DHX40: variants seen among roughly 807,000 people sequenced by gnomAD.
DHX40 encodes DEAH-box helicase 40, also known as probable ATP-dependent RNA helicase DHX40.
In DHX40, 28 loss-of-function variants were observed where a neutral mutation model predicts 89.6. That is an observed-to-expected ratio of 0.31 (90% CI 0.23 to 0.43). DHX40 has a LOEUF of 0.43. Ranked by LOEUF, DHX40 falls within the 20% of genes least tolerant of loss-of-function variation. The probability of loss-of-function intolerance (pLI) is 1.00; values close to 1 mark genes in which losing one functional copy is unlikely to be tolerated. For synonymous variants in DHX40, 226 were observed against 283.6 expected, an observed-to-expected ratio of 0.80 and a Z score of 2.04; for missense variants, 457 against 844.0, an observed-to-expected ratio of 0.54 and a Z score of 5.68.
At chr17:59,569,711 CTATATATA>C (rs10607665) in intron 2 of DHX40, among the ~76,000 whole-genome samples, 4 of 140,676 alleles carry the variant, frequency 2.8e-5, no homozygotes, top group Admixed American at 7.2e-5. Flanking sequence ...ATATATATAT[CTATATATA>C]TATATAGATA....
At chr17:59,570,393 T>C in intron 2 of DHX40, 125 bp from the exon 3 acceptor site, 1 of 855,780 alleles carries the variant, frequency 1.2e-6, no homozygotes. Flanking sequence ...AGTGTGTTTT[T>C]AATTTGCGAG....
chr17:59,571,470 A>C (rs1374420429), intron 3 of DHX40, among the ~76,000 whole-genome samples: 2 of 151,932 alleles, frequency 1.3e-5, no homozygotes, highest in Non-Finnish European at 2.9e-5. Context: ...AAAAAAAAAA[A>C]AAATGTGTTC....
intron 1 of DHX40, 54 bp downstream of exon 1, chr17:59,565,837 T>C: frequency 1.4e-6 from 2 of 1,448,482 alleles, no homozygotes; most frequent in South Asian, 1.2e-5. Context: ...GTGGGGGTTT[T>C]GGTGGGGGGA....
intron 12 of DHX40, among the ~76,000 whole-genome samples, chr17:59,594,210 T>G (rs1054564543): frequency 1.5e-4 from 22 of 151,494 alleles, no homozygotes; most frequent in African/African-American, 5.3e-4. Flanking sequence ...AATTTTTGGC[T>G]GGTCTGTCTC....
intron 1 of DHX40, 51 bp from the exon 2 acceptor site, chr17:59,566,576 C>T (rs1245042757): frequency 2.7e-6 from 4 of 1,497,674 alleles, no homozygotes; most frequent in Non-Finnish European, 3.6e-6. Flanking sequence ...GAAATTGAGT[C>T]AGAGATATCT....
intron 12 of DHX40, among the ~76,000 whole-genome samples, chr17:59,588,995 A>T (rs1229447260): frequency 6.6e-6 from 1 of 152,068 alleles, no homozygotes; most frequent in Admixed American, 6.6e-5. Flanking sequence ...GACTATTCTT[A>T]TATGGGTCTG....
intron 12 of DHX40, among the ~76,000 whole-genome samples, chr17:59,598,394 T>C (rs1263413178): frequency 6.6e-6 from 1 of 152,034 alleles, no homozygotes; most frequent in Admixed American, 6.6e-5. Flanking sequence ...CATTGAACTT[T>C]TACATGATAT....
intron 2 of DHX40, among the ~76,000 whole-genome samples, chr17:59,569,501 A>G (rs567721374): frequency 8.9e-4 from 134 of 150,652 alleles, no homozygotes; most frequent in African/African-American, 3.1e-3. Context: ...ACAAAGCCTG[A>G]ATTCTAATTT....
intron 12 of DHX40, among the ~76,000 whole-genome samples, 181 bp downstream of exon 12, chr17:59,588,234 A>AAG (rs1418426606): frequency 1.3e-5 from 2 of 148,962 alleles, no homozygotes; most frequent in South Asian, 4.2e-4. Flanking sequence ...AAAAAAAAAA[A>AAG]AAAAAAACCA....
At position 59,588,018 on chromosome 17, in the gene DHX40, C is replaced by T; in HGVS notation, c.1547C>T (p.Ala516Val). The T allele has an allele frequency of 6.2e-7, 1 of 1,613,588 alleles. No individual in the cohort carries two copies. ...GAAGATCTACTACTTCCAATAGCAG[C>T]AATGTTGTCTGTGGAAAACGTCTTC... Reference protein sequence around the residue: ...DCEDLLLPIAAMLSVENVFIR... With the variant: ...DCEDLLLPIAVMLSVENVFIR... Residue 516 changes from alanine (A) to valine (V), a missense_variant, in exon 12 of 18, where the codon GCA (alanine) becomes GTA (valine). Physicochemically the swap from Ala to Val is moderately conservative, Grantham distance 64. This residue lies in a region of DHX40 where 19 missense variants were observed against 24.2 expected (regional missense o/e 0.78). Coordinates refer to ENST00000251241, the MANE Select transcript of DHX40 (RefSeq NM_024612.5).
chr17:59,587,295 C>A lies in DHX40; in HGVS notation c.1425-601C>A, dbSNP rs566092188. 2.0e-5 allele frequency among the ~76,000 whole-genome samples: 3 copies of A among 151,400 alleles called. No individual in the cohort carries two copies. The East Asian group carries it at 5.8e-4, about 29-fold the overall frequency. Reference sequence around the variant, plus strand: ...CTGGAGTACAATGGTGCAATCTCACCTCACTGCAATCTCCACCTCCCAGGT... The same window carrying A: ...CTGGAGTACAATGGTGCAATCTCACATCACTGCAATCTCCACCTCCCAGGT... On this transcript the variant is annotated intron_variant, in intron 11 of 17. Coordinates refer to ENST00000251241, the MANE Select transcript of DHX40 (RefSeq NM_024612.5).
chr17:59,572,612 C>G (rs1447804583), intron 3 of DHX40, among the ~76,000 whole-genome samples: 1 of 152,148 alleles, frequency 6.6e-6, no homozygotes, highest in East Asian at 1.9e-4. Flanking sequence ...CTCCTGGACT[C>G]AAGTGATCCG....
rs1195154654 is a variant in DHX40 at position 59,607,007 on chromosome 17, A to T, written c.2201-26A>T. Reference sequence around the variant, plus strand: ...GTACTGAATCTCAAAGCTAAGTTTTATTGGATTAATTTGTAATGTTTTCAG... The same window carrying T: ...GTACTGAATCTCAAAGCTAAGTTTTTTTGGATTAATTTGTAATGTTTTCAG... On this transcript the variant is annotated intron_variant, in intron 17 of 17. Coordinates refer to ENST00000251241, the MANE Select transcript of DHX40 (RefSeq NM_024612.5). The T allele has an allele frequency of 1.9e-6, 3 of 1,595,318 alleles. No homozygotes were observed. In the African/African-American group the frequency reaches 4.1e-5, roughly 22 times the overall value.
chr17:59,590,405 A>G (rs1178447057), intron 12 of DHX40, among the ~76,000 whole-genome samples: 1 of 150,408 alleles, frequency 6.6e-6, no homozygotes, highest in Non-Finnish European at 1.5e-5. Context: ...ACATTTTTCT[A>G]TAAAAATACT....
intron 12 of DHX40, among the ~76,000 whole-genome samples, chr17:59,592,017 T>C (rs543591431): frequency 5.1e-4 from 78 of 151,740 alleles, no homozygotes; most frequent in African/African-American, 1.8e-3. Context: ...CACATGCATA[T>C]GCTACCATGC....
At chr17:59,586,678 A>T (rs1270011924) in intron 11 of DHX40, among the ~76,000 whole-genome samples, 1 of 151,526 alleles carries the variant, frequency 6.6e-6, no homozygotes, top group South Asian at 2.1e-4. Context: ...AAAAAAAAAA[A>T]GGAGAAAGAA....
chr17:59,600,041 C>G (rs1370651885), intron 14 of DHX40, among the ~76,000 whole-genome samples: 1 of 152,122 alleles, frequency 6.6e-6, no homozygotes, highest in African/African-American at 2.4e-5. Context: ...CCAGGCTGGT[C>G]TCAAACTCCT....
At chr17:59,605,785 G>A (rs1464614356) in intron 17 of DHX40, 111 bp downstream of exon 17, 1 of 1,004,268 alleles carries the variant, frequency 1.0e-6, no homozygotes, top group Non-Finnish European at 1.5e-6. Flanking sequence ...AATGTGGTGA[G>A]ATCCCATCTC....
intron 11 of DHX40, among the ~76,000 whole-genome samples, 196 bp downstream of exon 11, chr17:59,586,429 G>A (rs563705918): frequency 6.6e-5 from 10 of 151,732 alleles, no homozygotes; most frequent in East Asian, 5.9e-4. Context: ...TTGGGAGGCC[G>A]AGGTCGGTGG....
Sources: gnomAD v4.1 joint callset for allele counts (sites outside exome capture counted in the v4.1 genomes callset) on GRCh38, gnomAD v4.1.1 for gene constraint, gnomAD v4.1.1 regional missense constraint, MANE v1.5 for transcripts, NCBI Gene and HGNC (gene_info 2026-07-23, HGNC 2026-07-21) for gene names.